PCDHA1: variants seen among roughly 807,000 people sequenced by gnomAD.
PCDHA1 encodes protocadherin alpha-1.
Under a neutral mutation model 61.3 loss-of-function variants are expected in PCDHA1, and 42 were observed. The ratio of observed to expected loss-of-function variants is 0.69; its 90% CI spans 0.54 to 0.89. PCDHA1 has a LOEUF of 0.89. Ranked by LOEUF, PCDHA1 falls within the 40% of genes least tolerant of loss-of-function variation. The pLI is 0.00. For synonymous variants in PCDHA1, 610 were observed against 553.8 expected, an observed-to-expected ratio of 1.10 and a Z score of -1.43; for missense variants, 1,256 against 1,235.3, an observed-to-expected ratio of 1.02 and a Z score of -0.25.
At chr5:140,796,182 G>A (rs782764086) in intron 1 of PCDHA1, 12 of 1,614,164 alleles carry the variant, frequency 7.4e-6, no homozygotes, top group Middle Eastern at 1.7e-4. Context: ...ATTACTACTC[G>A]TTGGTGCTGG....
chr5:140,875,271 C>T, intron 1 of PCDHA1: 1 of 1,256,488 alleles, frequency 8.0e-7, no homozygotes, highest in Non-Finnish European at 1.1e-6. Flanking sequence ...GCTCTACACT[C>T]AGAAGGTGAA....
intron 1 of PCDHA1, chr5:140,857,495 G>T: frequency 6.3e-7 from 1 of 1,598,344 alleles, no homozygotes; most frequent in Non-Finnish European, 8.6e-7. Context: ...GGACGCGGAC[G>T]CGCAGGAGAA....
intron 1 of PCDHA1, chr5:140,853,268 G>A: frequency 9.2e-6 from 9 of 975,960 alleles, no homozygotes; most frequent in Non-Finnish European, 1.1e-5. Context: ...CAGAGTACAA[G>A]CTCTCATCAT....
At chr5:140,923,584 T>C (rs2081432624) in intron 1 of PCDHA1, among the ~76,000 whole-genome samples, 1 of 152,172 alleles carries the variant, frequency 6.6e-6, no homozygotes, top group South Asian at 2.1e-4. Context: ...AGAGAAGGTT[T>C]GTTAATTCAT....
chr5:140,803,410 C>G lies in PCDHA1; in HGVS notation c.2394+14726C>G, dbSNP rs369771411. 2 of 1,614,236 alleles carry G rather than the reference C, an allele frequency of 1.2e-6. No individual in the cohort carries two copies. Among genetic ancestry groups the G allele is most frequent in the African/African-American group, 2.7e-5 (2 of 75,062 alleles). On this transcript the variant is annotated intron_variant, in intron 1 of 3. Transcript: ENST00000504120. The stretch of plus-strand genomic sequence containing the variant: ...GGCGACTGTGGGCCGGGCAAGCCCA[C>G]GCTGGTGTGCTCCAGCGCGGTGGGG...
intron 1 of PCDHA1, chr5:140,871,442 A>C: frequency 6.2e-7 from 1 of 1,611,276 alleles, no homozygotes; most frequent in African/African-American, 1.3e-5. Flanking sequence ...CTAGGTCTGA[A>C]TAAAGAGGAG....
chr5:140,931,578 C>T (rs2087609680), intron 1 of PCDHA1, among the ~76,000 whole-genome samples: 1 of 152,008 alleles, frequency 6.6e-6, no homozygotes, highest in South Asian at 2.1e-4. Flanking sequence ...CCCATTCATT[C>T]AGTTGAACAG....
At position 140,828,273 on chromosome 5, in the gene PCDHA1, C is replaced by T. The variant is rs2150153408; in HGVS notation, c.2394+39589C>T. ...GGGCTGGAGCTGGCGGAGCTGGTGC[C>T]GCGCCTGTTCAGGATGGCCTCCAAA... On this transcript the variant is annotated intron_variant, in intron 1 of 3. Transcript: ENST00000504120. The T allele has an allele frequency of 1.2e-5, 19 of 1,614,048 alleles. No individual in the cohort carries two copies. The highest frequency in any genetic ancestry group is 1.7e-5 in the Admixed American group (1 of 60,030).
intron 1 of PCDHA1, chr5:140,842,284 C>A: frequency 1.2e-6 from 2 of 1,610,320 alleles, no homozygotes; most frequent in South Asian, 1.1e-5. Context: ...TCCTCATTGA[C>A]GCCACGGACA....
At chr5:140,941,221 T>TTCTTTCTTTCTTTCTTTCTC (rs1563186510) in intron 1 of PCDHA1, among the ~76,000 whole-genome samples, 1 of 131,536 alleles carries the variant, frequency 7.6e-6, no homozygotes, top group Admixed American at 7.9e-5. Context: ...CTTCCTTTCT[T>TTCTTTCTTTCTTTCTTTCTC]TCTTTCTTTC....
chr5:140,910,381 TG>T (rs2075003327), intron 1 of PCDHA1, among the ~76,000 whole-genome samples: 1 of 152,188 alleles, frequency 6.6e-6, no homozygotes, highest in Admixed American at 6.5e-5. Context: ...ACCTTGCCTT[TG>T]ACAGTTGACT....
At chr5:140,856,822 A>G (rs1554149161) in intron 1 of PCDHA1, 4 of 1,593,030 alleles carry the variant, frequency 2.5e-6, no homozygotes, top group Non-Finnish European at 1.7e-6. Flanking sequence ...TGAACCAAAC[A>G]TTAGTAATAC....
intron 1 of PCDHA1, among the ~76,000 whole-genome samples, chr5:140,965,278 C>T (rs1554227554): frequency 6.6e-6 from 1 of 152,176 alleles, no homozygotes; most frequent in African/African-American, 2.4e-5. Flanking sequence ...AATGACACAG[C>T]ATGGAAAGAT....
At chr5:140,829,972 C>G (rs2150178904) in intron 1 of PCDHA1, 5 of 1,614,006 alleles carry the variant, frequency 3.1e-6, no homozygotes, top group Non-Finnish European at 4.2e-6. Context: ...TGGGGCTGTA[C>G]ACGGGCGAGA....
intron 1 of PCDHA1, chr5:140,869,178 G>A (rs200717410): frequency 1.0e-4 from 168 of 1,613,870 alleles, no homozygotes; most frequent in Non-Finnish European, 1.3e-4. Flanking sequence ...AATTCTGGGA[G>A]GTGGGGAGCG....
chr5:140,941,191 T>TTTTTTTC lies in PCDHA1; in HGVS notation c.2395-37755_2395-37754insTTTCTTT, dbSNP rs1554213809. ...CATCTTGAACATCCTGCTTCTTTTT[T>TTTTTTTC]TTTCTTTCTTCCTTTCTTTCTTCCT... is the stretch of plus-strand genomic sequence containing the variant. On this transcript the variant is annotated intron_variant, in intron 1 of 3. Coordinates refer to ENST00000504120, the MANE Select transcript of PCDHA1 (RefSeq NM_018900.4). Among the ~76,000 whole-genome samples, 30 of 93,254 alleles carry TTTTTTTC rather than the reference T, an allele frequency of 3.2e-4. 1 individual carries two copies. Among genetic ancestry groups the TTTTTTTC allele is most frequent in the Admixed American group, 1.8e-3 (15 of 8,146 alleles). The allele number at this position is 93,254 out of a possible 152,430, so 61.2% of individuals were successfully genotyped here.
intron 1 of PCDHA1, chr5:140,804,873 T>C: frequency 1.7e-6 from 1 of 576,524 alleles, no homozygotes; most frequent in Non-Finnish European, 2.8e-6. Context: ...TAGATATTTT[T>C]CTTGACTCCT....
intron 1 of PCDHA1, chr5:140,823,490 C>G (rs2150126315): frequency 6.2e-7 from 1 of 1,613,236 alleles, no homozygotes; most frequent in Non-Finnish European, 8.5e-7. Flanking sequence ...GTGGGTGGCA[C>G]CGGCGGCGCA....
At chr5:140,791,361 TACTGAGAC>T (rs1554118654) in intron 1 of PCDHA1, among the ~76,000 whole-genome samples, 1 of 152,216 alleles carries the variant, frequency 6.6e-6, no homozygotes, top group African/African-American at 2.4e-5. Context: ...CACTGGTTGA[TACTGAGAC>T]ACCATAAAGT....
Sources: gnomAD v4.1 joint callset for allele counts (sites outside exome capture counted in the v4.1 genomes callset) on GRCh38, gnomAD v4.1.1 for gene constraint, MANE v1.5 for transcripts, NCBI Gene and HGNC (gene_info 2026-07-23, HGNC 2026-07-21) for gene names.